The following IST1 variants were observed in gnomAD, a reference collection of about 807,000 sequenced individuals.
IST1 encodes IST1 factor associated with ESCRT-III.
In IST1, 23 loss-of-function variants were observed where a neutral mutation model predicts 37.0. That is an observed-to-expected ratio of 0.62 (90% CI 0.45 to 0.88). IST1 has a LOEUF of 0.88. Ranked by LOEUF, IST1 falls within the 40% of genes least tolerant of loss-of-function variation. IST1 has a pLI of 0.00. For synonymous variants in IST1, 180 were observed against 161.7 expected (o/e 1.11, Z -0.86); for missense variants, 488 against 445.4 (o/e 1.10, Z -0.86).
chr16:71,920,965 C>T (rs1456130574), intron 5 of IST1, 143 bp downstream of exon 5: 2 of 713,322 alleles, frequency 2.8e-6, no homozygotes, highest in East Asian at 5.4e-5. Context: ...AGCTGTGTGG[C>T]TGGCAGTGTG....
At chr16:71,908,670 CAGTG>C (rs2037282648) in intron 1 of IST1, among the ~76,000 whole-genome samples, 1 of 152,144 alleles carries the variant, frequency 6.6e-6, no homozygotes, top group Admixed American at 6.5e-5. Flanking sequence ...GAGATTTTCC[CAGTG>C]AGTATCACCC....
chr16:71,898,662 TAAA>T (rs60932200), intron 1 of IST1, among the ~76,000 whole-genome samples: 7 of 130,916 alleles, frequency 5.3e-5, no homozygotes, highest in Non-Finnish European at 6.5e-5. Context: ...GACTCTGTCT[TAAA>T]AAAAAAAAAA....
chr16:71,928,179 G>A lies in IST1; in HGVS notation c.*366G>A. The A allele has an allele frequency of 3.6e-6, 1 of 277,316 alleles. No individual in the cohort carries two copies. The highest frequency in any genetic ancestry group is 7.0e-6 in the Non-Finnish European group (1 of 142,258). The allele number at this position is 277,316 out of a possible 1,614,324, so 17.2% of individuals were successfully genotyped here. On this transcript the variant is annotated 3_prime_UTR_variant, in exon 10 of 10. Coordinates refer to ENST00000378799, the MANE Select transcript of IST1 (RefSeq NM_001270975.2). ...ATGGCTGGACAGTGGGAGAGAGCAC[G>A]TTGTGAAGCATCCCAGCCTCGTGTT...
intron 1 of IST1, among the ~76,000 whole-genome samples, chr16:71,911,102 G>T (rs971860538): frequency 2.0e-5 from 3 of 152,080 alleles, no homozygotes; most frequent in African/African-American, 7.2e-5. Flanking sequence ...TTAGCTAGGC[G>T]TGGTGGTGTG....
intron 1 of IST1, among the ~76,000 whole-genome samples, chr16:71,911,120 A>G (rs772314009): frequency 5.3e-5 from 8 of 152,128 alleles, no homozygotes; most frequent in Non-Finnish European, 1.2e-4. Flanking sequence ...GTGTGCCTAT[A>G]ATCTCAGTTA....
At chr16:71,921,933 C>T (rs532025361) in intron 6 of IST1, among the ~76,000 whole-genome samples, 24 of 152,236 alleles carry the variant, frequency 1.6e-4, no homozygotes, top group African/African-American at 3.4e-4. Flanking sequence ...GTCAGGAGAT[C>T]GAGACCATCC....
At chr16:71,919,814 TC>T (rs1274280894) in intron 4 of IST1, among the ~76,000 whole-genome samples, 1 of 152,236 alleles carries the variant, frequency 6.6e-6, no homozygotes, top group Non-Finnish European at 1.5e-5. Context: ...TCCCTTGGTA[TC>T]ACTTACTGTA....
At chr16:71,923,038 G>A in intron 7 of IST1, 1 of 465,602 alleles carries the variant, frequency 2.1e-6, no homozygotes, top group Non-Finnish European at 3.8e-6. Context: ...TAGTAAGAAA[G>A]TCTCGTTAGA....
At chr16:71,907,520 G>A (rs980029195) in intron 1 of IST1, among the ~76,000 whole-genome samples, 2 of 151,944 alleles carry the variant, frequency 1.3e-5, no homozygotes, top group East Asian at 1.9e-4. Context: ...CTCGTGATCC[G>A]CCCGCCTCGG....
upstream of IST1, chr16:71,895,224 G>C (rs1015357628): frequency 2.3e-5 from 4 of 173,818 alleles, no homozygotes; most frequent in Non-Finnish European, 5.0e-5. Flanking sequence ...GTGAGGCCGT[G>C]GGCGCAGAGT....
At position 71,930,325 on chromosome 16, in the gene IST1, A is replaced by G. The variant is rs2037897811; in HGVS notation, c.*2512A>G. On this transcript the variant is annotated 3_prime_UTR_variant, in exon 10 of 10. Coordinates refer to ENST00000378799, the MANE Select transcript of IST1 (RefSeq NM_001270975.2). ...TTAGGGAGAGAGTCAAAAGATAATA[A>G]GAAGGAAAATACTTTTAAATGGACA... is the stretch of plus-strand genomic sequence containing the variant. 9.8e-6 allele frequency: 8 copies of G among 816,666 alleles called. No individual in the cohort carries two copies. Among genetic ancestry groups the G allele is most frequent in the Middle Eastern group, 3.2e-4 (1 of 3,086 alleles). 50.6% of individuals were successfully genotyped at this position (816,666 alleles called of 1,614,324 possible).
intron 1 of IST1, among the ~76,000 whole-genome samples, chr16:71,897,563 A>G (rs1342818474): frequency 1.3e-5 from 2 of 152,236 alleles, no homozygotes; most frequent in Non-Finnish European, 2.9e-5. Flanking sequence ...TTCCAAATAC[A>G]GGAAAAGTAA....
intron 2 of IST1, 147 bp downstream of exon 2, chr16:71,915,875 G>C: frequency 1.8e-6 from 1 of 561,382 alleles, no homozygotes; most frequent in Non-Finnish European, 3.2e-6. Flanking sequence ...CTGTCGCCCA[G>C]GATGGAGTGC....
intron 1 of IST1, among the ~76,000 whole-genome samples, chr16:71,898,370 G>GAAAA (rs57871135): frequency 9.9e-6 from 1 of 100,844 alleles, no homozygotes; most frequent in Non-Finnish European, 1.9e-5. Context: ...CTCTCTCTCA[G>GAAAA]AAAAAAAAAA....
intron 1 of IST1, among the ~76,000 whole-genome samples, chr16:71,902,555 C>T (rs955022506): frequency 6.6e-5 from 10 of 152,310 alleles, no homozygotes; most frequent in East Asian, 1.9e-4. Flanking sequence ...TAGGCGTAAG[C>T]CACCGCGCCC....
At position 71,922,680 on chromosome 16, in the gene IST1, A is replaced by G. The variant is rs772319689; in HGVS notation, c.759A>G (p.Pro253=). The stretch of plus-strand genomic sequence containing the variant: ...TCTCATATCCACTGCCAAAGGGACC[A>G]GTAAGTATATATAAGTGTGGATGTA... The part of the protein sequence containing the change: ...TPFSYPLPKG[P]SDFNGLPMGT... Residue 253 remains proline, a splice_region_variant and synonymous_variant, in exon 7 of 10, where the codon CCA becomes CCG. Coordinates refer to ENST00000378799, the MANE Select transcript of IST1 (RefSeq NM_001270975.2). The G allele has an allele frequency of 7.7e-6, 11 of 1,430,588 alleles. No individual in the cohort carries two copies. The East Asian group carries it at 2.7e-4, about 35-fold the overall frequency. 88.6% of individuals were successfully genotyped at this position (1,430,588 alleles called of 1,614,324 possible). A position where few individuals can be genotyped will look rare whatever the true frequency, so the allele number is the denominator to read the frequency against.
intron 1 of IST1, among the ~76,000 whole-genome samples, chr16:71,900,952 G>A (rs2037094444): frequency 1.3e-5 from 2 of 152,148 alleles, no homozygotes; most frequent in Non-Finnish European, 2.9e-5. Flanking sequence ...TTAGAGTAAC[G>A]TCTGAATCAC....
At chr16:71,899,177 A>G (rs1200273155) in intron 1 of IST1, among the ~76,000 whole-genome samples, 1 of 151,872 alleles carries the variant, frequency 6.6e-6, no homozygotes, top group Middle Eastern at 3.2e-3. Flanking sequence ...TTGATCTTAC[A>G]GTTTTTTTTT....
chr16:71,901,380 A>AT (rs2037104694), intron 1 of IST1, among the ~76,000 whole-genome samples: 2 of 152,006 alleles, frequency 1.3e-5, no homozygotes, highest in African/African-American at 4.8e-5. Flanking sequence ...CACCCAGCTA[A>AT]TTTTTTGTGT....
Sources: gnomAD v4.1 joint callset for allele counts (sites outside exome capture counted in the v4.1 genomes callset) on GRCh38, gnomAD v4.1.1 for gene constraint, MANE v1.5 for transcripts, NCBI Gene and HGNC (gene_info 2026-07-23, HGNC 2026-07-21) for gene names.